BTC: variants seen among roughly 807,000 people sequenced by gnomAD.
BTC encodes the protein probetacellulin.
In BTC, 13 loss-of-function variants were observed where a neutral mutation model predicts 18.1. That is an observed-to-expected ratio of 0.72 (90% CI 0.47 to 1.14). The LOEUF (loss-of-function observed/expected upper bound fraction) is 1.14. BTC is among the 50% of genes most tolerant of loss of function. The pLI, the probability that BTC is intolerant of heterozygous loss-of-function variation, is 0.00. For synonymous variants in BTC, 83 were observed against 79.4 expected (o/e 1.05, Z -0.24); for missense variants, 247 against 224.2 (o/e 1.10, Z -0.65).
At chr4:74,793,256 C>G (rs562598915) in intron 1 of BTC, among the ~76,000 whole-genome samples, 4 of 152,318 alleles carry the variant, frequency 2.6e-5, no homozygotes, top group East Asian at 3.9e-4. Context: ...CACCTCCAAG[C>G]AAGTTCACTG....
chr4:74,773,192 T>C (rs986711701), intron 1 of BTC, among the ~76,000 whole-genome samples: 1 of 152,166 alleles, frequency 6.6e-6, no homozygotes, highest in Admixed American at 6.5e-5. Flanking sequence ...ATCAAAGCAG[T>C]TCATATTAAA....
intron 1 of BTC, among the ~76,000 whole-genome samples, chr4:74,771,357 C>A (rs149513255): frequency 6.7e-4 from 102 of 152,298 alleles, no homozygotes; most frequent in African/African-American, 2.4e-3. Context: ...AGCCTGTCCA[C>A]CAGTTGTATT....
Position 74,794,378 on chromosome 4 carries a change from C to T in BTC, c.-53G>A, listed in dbSNP as rs755899826. The T allele has an allele frequency of 8.9e-6, 13 of 1,466,796 alleles. No individual in the cohort carries two copies. Among genetic ancestry groups the T allele is most frequent in the South Asian group, 5.3e-5 (4 of 74,970 alleles). The allele number at this position is 1,466,796 out of a possible 1,614,324, so 90.9% of individuals were successfully genotyped here. On this transcript the variant is annotated 5_prime_UTR_variant, in exon 1 of 6. Transcript: ENST00000395743. ...CCCTAGACAAGTCTCCCTCCTTCTTCGCCCCCTTCCCGGGCCTCGGGCGCC... is the reference window on the plus strand; with the variant it reads ...CCCTAGACAAGTCTCCCTCCTTCTTTGCCCCCTTCCCGGGCCTCGGGCGCC...
intron 1 of BTC, among the ~76,000 whole-genome samples, chr4:74,790,520 G>A (rs1406451292): frequency 2.6e-5 from 4 of 152,138 alleles, no homozygotes; most frequent in African/African-American, 9.7e-5. Flanking sequence ...CTCAAGATAT[G>A]CTCTTTTTAC....
At chr4:74,776,652 C>T (rs1016199094) in intron 1 of BTC, among the ~76,000 whole-genome samples, 1 of 152,080 alleles carries the variant, frequency 6.6e-6, no homozygotes, top group Non-Finnish European at 1.5e-5. Flanking sequence ...CATGACACGC[C>T]GTCTCAAAGT....
At position 74,770,176 on chromosome 4, in the gene BTC, C is replaced by T; in HGVS notation, c.65-20G>A. 6.4e-7 allele frequency: 1 copy of T among 1,574,702 alleles called. No homozygotes were observed. The highest frequency in any genetic ancestry group is 1.2e-5 in the South Asian group (1 of 86,070). On this transcript the variant is annotated intron_variant, in intron 1 of 5. Transcript: ENST00000395743. ...CTAGACCTTCAAATTCAAAACAGAA[C>T]CAAAATCAAACATGAAAATTTGCTT...
chr4:74,768,677 A>AT lies in BTC; in HGVS notation c.163+1380dup, dbSNP rs1187079741. ...TAAATTTGAAGAGATCTGCTAATCT[A>AT]TAGTTAACAATATTGTATTGTCCAC... is the stretch of plus-strand genomic sequence containing the variant. On this transcript the variant is annotated intron_variant, in intron 2 of 5. Coordinates refer to ENST00000395743, the MANE Select transcript of BTC (RefSeq NM_001729.4). 2.0e-5 allele frequency among the ~76,000 whole-genome samples: 3 copies of AT among 152,208 alleles called. No individual in the cohort carries two copies. The South Asian group carries it at 6.2e-4, about 31-fold the overall frequency.
In BTC at chr4:74,794,400, C is replaced by A. The variant is rs553149527; in HGVS notation, c.-75G>T. The A allele has an allele frequency of 1.0e-3, 1,429 of 1,415,400 alleles. 6 individuals are homozygous for A. Among genetic ancestry groups the A allele is most frequent in the South Asian group, 4.2e-3 (294 of 69,620 alleles). The allele number at this position is 1,415,400 out of a possible 1,614,324, so 87.7% of individuals were successfully genotyped here. Reference sequence around the variant, plus strand: ...CTTCGCCCCCTTCCCGGGCCTCGGGCGCCTGAGAGGGTGCCTGGAAACTAA... The same window carrying A: ...CTTCGCCCCCTTCCCGGGCCTCGGGAGCCTGAGAGGGTGCCTGGAAACTAA... On this transcript the variant is annotated 5_prime_UTR_variant, in exon 1 of 6. Transcript: ENST00000395743.
rs1272858825 is a variant in BTC, at chr4:74,745,386, T to C, written c.*1291A>G. 6.6e-6 allele frequency: 1 copy of C among 152,202 alleles called. No homozygotes were observed. Among genetic ancestry groups the C allele is most frequent in the African/African-American group, 2.4e-5 (1 of 41,460 alleles). The allele number at this position is 152,202 out of a possible 1,614,324, so 9.4% of individuals were successfully genotyped here. On this transcript the variant is annotated 3_prime_UTR_variant, in exon 6 of 6. Coordinates refer to ENST00000395743, the MANE Select transcript of BTC (RefSeq NM_001729.4). The stretch of plus-strand genomic sequence containing the variant: ...CATTGCAAAGTAAAATTTGCAAAGA[T>C]TCTAAAAAAGAAGCTGCTTGGCCGA...
At chr4:74,770,016 A>C (rs1334078050) in intron 2 of BTC, 42 bp downstream of exon 2, 1 of 1,502,880 alleles carries the variant, frequency 6.7e-7, no homozygotes, top group Non-Finnish European at 9.2e-7. Flanking sequence ...ATTATCAGAA[A>C]ATTAAAACTC....
At chr4:74,765,329 G>A (rs1001472170) in intron 2 of BTC, among the ~76,000 whole-genome samples, 2 of 151,958 alleles carry the variant, frequency 1.3e-5, no homozygotes, top group African/African-American at 4.8e-5. Flanking sequence ...GGATAATTCA[G>A]TAACTAAGCT....
intron 1 of BTC, among the ~76,000 whole-genome samples, chr4:74,784,209 T>C (rs896382882): frequency 6.0e-5 from 9 of 149,172 alleles, no homozygotes; most frequent in African/African-American, 2.3e-4. Context: ...TCCAGGCTGG[T>C]TGACAGAGAG....
chr4:74,774,500 T>G (rs1725125978), intron 1 of BTC, among the ~76,000 whole-genome samples: 1 of 152,172 alleles, frequency 6.6e-6, no homozygotes, highest in Non-Finnish European at 1.5e-5. Flanking sequence ...ATAAGCCTTT[T>G]AGTACTATCT....
Position 74,748,141 on chromosome 4 carries a change from C to A in BTC, c.437G>T (p.Arg146Leu). 1 of 1,604,630 alleles carries A rather than the reference C, an allele frequency of 6.2e-7. No homozygotes were observed. The change falls in exon 5 of 6, where the codon CGG becomes CTG. Residue 146 changes from arginine (R) to leucine (L), a missense_variant. Coordinates refer to ENST00000395743, the MANE Select transcript of BTC (RefSeq NM_001729.4). Reference protein sequence around the residue: ...IGVCTCCHPLRKRRKRKKKEE... With the variant: ...IGVCTCCHPLLKRRKRKKKEE... The stretch of plus-strand genomic sequence containing the variant: ...TTTCTTCTTTCTTTTACGACGTTTC[C>A]GAAGAGGGCTTGGAAAATACGTGTT...
At chr4:74,782,817 C>T (rs1037285938) in intron 1 of BTC, among the ~76,000 whole-genome samples, 1 of 152,260 alleles carries the variant, frequency 6.6e-6, no homozygotes, top group Admixed American at 6.5e-5. Flanking sequence ...AATGGTATCT[C>T]ATTGTGGTTT....
At chr4:74,760,774 G>A (rs985889267) in intron 2 of BTC, among the ~76,000 whole-genome samples, 6 of 144,342 alleles carry the variant, frequency 4.2e-5, no homozygotes, top group East Asian at 2.0e-4. Flanking sequence ...TCACTCTGTC[G>A]CCCAGGCTGG....
intron 2 of BTC, among the ~76,000 whole-genome samples, chr4:74,760,286 T>A (rs959087165): frequency 2.0e-5 from 3 of 152,170 alleles, no homozygotes; most frequent in Non-Finnish European, 4.4e-5. Context: ...AACTTTGAAA[T>A]AGACGTCTCA....
chr4:74,760,977 G>A (rs536700266), intron 2 of BTC, among the ~76,000 whole-genome samples: 6 of 152,038 alleles, frequency 3.9e-5, no homozygotes, highest in African/African-American at 1.2e-4. Context: ...TTCGTGATCC[G>A]CCTGCCTCAG....
At chr4:74,752,333 CA>C (rs1314910989) in intron 3 of BTC, among the ~76,000 whole-genome samples, 1 of 149,078 alleles carries the variant, frequency 6.7e-6, no homozygotes, top group Non-Finnish European at 1.5e-5. Flanking sequence ...CTTGAGATAT[CA>C]AAAATCTGTC....
Sources: allele counts gnomAD v4.1 joint callset (sites outside exome capture counted in the v4.1 genomes callset), GRCh38; gene constraint gnomAD v4.1.1; transcripts MANE v1.5; gene names NCBI Gene and HGNC (gene_info 2026-07-23, HGNC 2026-07-21).